Variants in IL17RD observed in about 807,000 individuals in gnomAD.
IL17RD encodes interleukin-17 receptor D.
IL17RD carries 52 observed loss-of-function variants against 80.5 expected under a neutral mutation model. The observed-to-expected ratio is 0.65, with a 90% confidence interval of 0.52 to 0.81. The LOEUF (loss-of-function observed/expected upper bound fraction) is 0.81, where lower values mean the gene tolerates loss of function less well. IL17RD is among the 40% of genes least tolerant of loss of function. The pLI is 0.00. For synonymous variants in IL17RD, 416 were observed against 391.8 expected, an observed-to-expected ratio of 1.06 and a Z score of -0.73; for missense variants, 1,024 against 955.1, an observed-to-expected ratio of 1.07 and a Z score of -0.95.
At chr3:57,100,664 C>T (rs1408407489) in intron 11 of IL17RD, among the ~76,000 whole-genome samples, 1 of 152,192 alleles carries the variant, frequency 6.6e-6, no homozygotes, top group Non-Finnish European at 1.5e-5. Context: ...AACAGCTTCA[C>T]AGAGCCCTTC....
chr3:57,138,479 A>G (rs1051414629), intron 1 of IL17RD, among the ~76,000 whole-genome samples: 1 of 152,186 alleles, frequency 6.6e-6, no homozygotes, highest in African/African-American at 2.4e-5. Context: ...AGGGACAGCA[A>G]TGTACTGATG....
At chr3:57,103,240 T>G in intron 8 of IL17RD, 95 bp from the exon 9 acceptor site, 1 of 1,108,062 alleles carries the variant, frequency 9.0e-7, no homozygotes, top group Non-Finnish European at 1.3e-6. Flanking sequence ...TTTCCATCAG[T>G]GGGCAGTGCG....
chr3:57,130,669 C>T (rs992119797), intron 1 of IL17RD, among the ~76,000 whole-genome samples: 5 of 152,182 alleles, frequency 3.3e-5, no homozygotes, highest in East Asian at 3.9e-4. Flanking sequence ...TCCTGTTTCA[C>T]GGCCCTGCCC....
In IL17RD at chr3:57,091,352, C is replaced by T. The variant is rs9311641; in HGVS notation, c.*5041G>A. On this transcript the variant is annotated 3_prime_UTR_variant, in exon 13 of 13. Transcript: ENST00000296318. ...GACTATCATCAGGGGAAAAATGTGG[C>T]AGTCAAATAATTCTCAATGAATATA... 138,646 of 152,656 alleles carry T rather than the reference C, an allele frequency of 0.91. 63,479 individuals are homozygous for T. Among genetic ancestry groups the T allele is most frequent in the African/African-American group, 0.97 (40,149 of 41,544 alleles). 9.5% of individuals were successfully genotyped at this position (152,656 alleles called of 1,614,324 possible).
At chr3:57,108,117 C>A (rs561383608) in intron 5 of IL17RD, among the ~76,000 whole-genome samples, 1 of 150,276 alleles carries the variant, frequency 6.7e-6, no homozygotes, top group Non-Finnish European at 1.5e-5. Flanking sequence ...TGGAGTGCAG[C>A]GGCATGATCT....
At chr3:57,135,312 A>T (rs1707702950) in intron 1 of IL17RD, among the ~76,000 whole-genome samples, 1 of 152,204 alleles carries the variant, frequency 6.6e-6, no homozygotes, top group Non-Finnish European at 1.5e-5. Flanking sequence ...GGGAGGAGGC[A>T]GAAGGCCAGG....
Position 57,097,610 on chromosome 3 carries a change from G to A in IL17RD, c.2093C>T (p.Ser698Phe). The A allele has an allele frequency of 6.3e-7, 1 of 1,576,424 alleles. No homozygotes were observed. Among genetic ancestry groups the A allele is most frequent in the Non-Finnish European group, 8.6e-7 (1 of 1,161,332 alleles). ...ETSSLTESVS[S>F]SSGLGEEEPP... Reference sequence around the variant, plus strand: ...AGGCACCTTACCCAGGCCTGAAGAGGAGGACACGCTCTCCGTCAGGGAAGA... The same window carrying A: ...AGGCACCTTACCCAGGCCTGAAGAGAAGGACACGCTCTCCGTCAGGGAAGA... The change falls in exon 12 of 13, where the codon TCC (serine) becomes TTC (phenylalanine). Residue 698 changes from serine (S) to phenylalanine (F), a missense_variant. Ser to Phe is a radical substitution (Grantham distance 155). Coordinates refer to ENST00000296318, the MANE Select transcript of IL17RD (RefSeq NM_017563.5).
In IL17RD at chr3:57,158,733, C is replaced by T. The variant is rs546321076; in HGVS notation, c.126+6428G>A. On this transcript the variant is annotated intron_variant, in intron 1 of 12. Transcript: ENST00000296318. The stretch of plus-strand genomic sequence containing the variant: ...TAGTTATTCGTTTTTTAGGCCACTT[C>T]ACAAAAACATGGTACAAATGGAGTT... 6.6e-5 allele frequency among the ~76,000 whole-genome samples: 10 copies of T among 152,302 alleles called. No homozygotes were observed. The South Asian group carries it at 1.5e-3, about 22-fold the overall frequency.
chr3:57,106,397 C>T (rs1321072457), intron 5 of IL17RD, among the ~76,000 whole-genome samples: 1 of 152,118 alleles, frequency 6.6e-6, no homozygotes, highest in African/African-American at 2.4e-5. Flanking sequence ...TGTAAAGTCA[C>T]CCAGATTTTA....
intron 8 of IL17RD, 61 bp from the exon 9 acceptor site, chr3:57,103,206 A>C: frequency 4.5e-6 from 6 of 1,340,976 alleles, no homozygotes; most frequent in Non-Finnish European, 5.1e-6. Context: ...GGTAAGTGGA[A>C]AAAAATGGTA....
At position 57,136,738 on chromosome 3, in the gene IL17RD, T is replaced by G. The variant is rs4681959; in HGVS notation, c.127-16425A>C. Among the ~76,000 whole-genome samples the G allele has an allele frequency of 6.2e-3, 936 of 150,960 alleles. 39 individuals carry two copies. The East Asian group carries it at 0.12, about 19-fold the overall frequency. On this transcript the variant is annotated intron_variant, in intron 1 of 12. Transcript: ENST00000296318. ...TTCTCATTTATCCATGAAAAACCTCTGCAAATGCCCCAGGATTTATCAACC... is the reference window on the plus strand; with the variant it reads ...TTCTCATTTATCCATGAAAAACCTCGGCAAATGCCCCAGGATTTATCAACC...
At chr3:57,167,198 ATT>A (rs200436307), upstream of IL17RD, among the ~76,000 whole-genome samples, 2 of 146,780 alleles carry the variant, frequency 1.4e-5, no homozygotes, top group Admixed American at 6.8e-5. Context: ...GCTGGGCAGA[ATT>A]TTTTTTTTTT....
intron 1 of IL17RD, among the ~76,000 whole-genome samples, chr3:57,154,649 T>C (rs1471946): frequency 0.026 from 3,984 of 152,206 alleles, 171 homozygotes; most frequent in African/African-American, 0.09. Flanking sequence ...GGCCTGTCCA[T>C]AGCAGCACTA....
At chr3:57,116,055 G>A (rs1201328590) in intron 2 of IL17RD, among the ~76,000 whole-genome samples, 4 of 152,112 alleles carry the variant, frequency 2.6e-5, no homozygotes, top group East Asian at 1.9e-4. Context: ...ACATTCTAAT[G>A]AATACCCTTC....
At chr3:57,108,954 C>A (rs1191409692) in intron 5 of IL17RD, among the ~76,000 whole-genome samples, 1 of 151,600 alleles carries the variant, frequency 6.6e-6, no homozygotes, top group East Asian at 1.9e-4. Flanking sequence ...GTAATGCAGA[C>A]TGTCTTAGCG....
intron 1 of IL17RD, among the ~76,000 whole-genome samples, chr3:57,154,283 T>TATACACACACACACACACACACAC (rs904157398): frequency 1.1e-4 from 12 of 112,912 alleles, no homozygotes; most frequent in African/African-American, 3.8e-4. Flanking sequence ...TATATATATA[T>TATACACACACACACACACACACAC]ACACACACAC....
intron 1 of IL17RD, among the ~76,000 whole-genome samples, chr3:57,128,791 C>A (rs1444380651): frequency 6.6e-6 from 1 of 152,170 alleles, no homozygotes; most frequent in African/African-American, 2.4e-5. Flanking sequence ...CACAGACACA[C>A]ACACACGCAA....
intron 10 of IL17RD, 116 bp downstream of exon 10, chr3:57,102,363 A>G (rs1207519274): frequency 6.5e-6 from 3 of 458,406 alleles, no homozygotes; most frequent in Non-Finnish European, 1.2e-5. Flanking sequence ...AGTAGGAGCT[A>G]TGAGGCTTCC....
At chr3:57,111,147 C>T (rs1484452203) in intron 3 of IL17RD, among the ~76,000 whole-genome samples, 1 of 152,240 alleles carries the variant, frequency 6.6e-6, no homozygotes, top group Non-Finnish European at 1.5e-5. Flanking sequence ...GGCGAGATAT[C>T]GATTTCACAT....
Sources: gnomAD v4.1 joint callset for allele counts (sites outside exome capture counted in the v4.1 genomes callset) on GRCh38, gnomAD v4.1.1 for gene constraint, MANE v1.5 for transcripts, NCBI Gene and HGNC (gene_info 2026-07-23, HGNC 2026-07-21) for gene names.